Variants in SOX5 observed in about 807,000 individuals in gnomAD.
SOX5 encodes the protein transcription factor SOX-5.
A neutral mutation model predicts 92.0 loss-of-function variants in SOX5; 9 were observed. The ratio of observed to expected loss-of-function variants is 0.10; its 90% CI spans 0.06 to 0.17. The LOEUF is 0.17. Ranked by LOEUF, SOX5 falls within the 10% of genes least tolerant of loss-of-function variation. The pLI, the probability that SOX5 is intolerant of heterozygous loss-of-function variation, is 1.00. For synonymous variants in SOX5, 344 were observed against 336.3 expected (o/e 1.02, Z -0.25); for missense variants, 642 against 944.5 (o/e 0.68, Z 4.20).
At chr12:23,807,093 T>C (rs2095792780) in intron 3 of SOX5, among the ~76,000 whole-genome samples, 1 of 151,316 alleles carries the variant, frequency 6.6e-6, no homozygotes, top group African/African-American at 2.4e-5. Flanking sequence ...AATCAAAAAT[T>C]ATGTATTCTT....
intron 6 of SOX5, among the ~76,000 whole-genome samples, chr12:23,699,390 C>A (rs1439780039): frequency 3.3e-5 from 5 of 152,198 alleles, no homozygotes; most frequent in African/African-American, 1.2e-4. Flanking sequence ...GTTCCTATAT[C>A]TCTAACCTAG....
At chr12:23,871,071 G>T (rs565535649) in intron 2 of SOX5, among the ~76,000 whole-genome samples, 11 of 152,080 alleles carry the variant, frequency 7.2e-5, no homozygotes, top group Middle Eastern at 3.4e-3. Flanking sequence ...AAACTTTTAA[G>T]GTGTATATTT....
chr12:23,543,480 A>C, intron 12 of SOX5, 96 bp from the exon 13 acceptor site: 1 of 903,114 alleles, frequency 1.1e-6, no homozygotes, highest in Admixed American at 2.3e-5. Context: ...ATATCTGAAA[A>C]GAAAAAGTAC....
chr12:23,803,883 GATGACACAGC>G (rs1483074788), intron 3 of SOX5, among the ~76,000 whole-genome samples: 1 of 152,170 alleles, frequency 6.6e-6, no homozygotes, highest in Admixed American at 6.5e-5. Context: ...CTTTCATAAG[GATGACACAGC>G]ATGAATAGAA....
At chr12:24,171,689 G>A (rs1161784499) in intron 4 of SOX5, among the ~76,000 whole-genome samples, 1 of 152,110 alleles carries the variant, frequency 6.6e-6, no homozygotes, top group African/African-American at 2.4e-5. Context: ...TAGGGGGCTA[G>A]AGAAGCATAT....
At chr12:24,132,454 T>A (rs562838168) in intron 4 of SOX5, among the ~76,000 whole-genome samples, 1 of 152,182 alleles carries the variant, frequency 6.6e-6, no homozygotes, top group Non-Finnish European at 1.5e-5. Flanking sequence ...ACTTCTCACA[T>A]CCTGTGCTAT....
intron 1 of SOX5, among the ~76,000 whole-genome samples, chr12:24,470,684 A>G (rs7299141): frequency 0.63 from 95,219 of 152,004 alleles, 30,709 homozygotes; most frequent in East Asian, 0.98. Flanking sequence ...TGAGTATTAG[A>G]AAACAGTGTT....
At chr12:23,974,511 G>A (rs532782846) in intron 4 of SOX5, among the ~76,000 whole-genome samples, 5 of 152,116 alleles carry the variant, frequency 3.3e-5, no homozygotes, top group Middle Eastern at 3.2e-3. Flanking sequence ...AAAGGATTAC[G>A]GGGAAAGGAA....
At position 24,274,505 on chromosome 12, in the gene SOX5, A is replaced by C. The variant is rs143278003; in HGVS notation, c.-77+2711T>G. Among the ~76,000 whole-genome samples the C allele has an allele frequency of 1.0e-3, 155 of 152,278 alleles. 1 individual carries two copies. The highest frequency in any genetic ancestry group is 3.5e-3 in the African/African-American group (146 of 41,570). On this transcript the variant is annotated intron_variant, in intron 3 of 4. Transcript: ENST00000446891. ...TATTATTTACCTCTGACACATGAGA[A>C]GTCTGAGCAATAGCAGTTAGGGAAC...
intron 3 of SOX5, among the ~76,000 whole-genome samples, chr12:23,778,217 A>T (rs1449587649): frequency 2.0e-5 from 3 of 152,234 alleles, no homozygotes; most frequent in African/African-American, 7.2e-5. Flanking sequence ...CATGACTTTA[A>T]TATGCACATC....
chr12:24,363,621 A>C (rs1462798723), intron 2 of SOX5, among the ~76,000 whole-genome samples: 1 of 152,154 alleles, frequency 6.6e-6, no homozygotes, highest in Admixed American at 6.5e-5. Context: ...GAATAATCAT[A>C]AATCATTTAC....
At chr12:23,966,639 T>C (rs1276244385) in intron 4 of SOX5, among the ~76,000 whole-genome samples, 1 of 150,222 alleles carries the variant, frequency 6.7e-6, no homozygotes, top group Non-Finnish European at 1.5e-5. Flanking sequence ...CACAAACATT[T>C]ATTATGTGCG....
intron 3 of SOX5, among the ~76,000 whole-genome samples, chr12:24,215,263 G>A (rs757160440): frequency 6.6e-6 from 1 of 151,964 alleles, no homozygotes; most frequent in Non-Finnish European, 1.5e-5. Context: ...CACTAAATAA[G>A]AAACAGAAAG....
At chr12:24,189,249 A>C (rs926670264) in intron 4 of SOX5, among the ~76,000 whole-genome samples, 1 of 152,140 alleles carries the variant, frequency 6.6e-6, no homozygotes, top group African/African-American at 2.4e-5. Flanking sequence ...GCCGTTCTCC[A>C]ATACCTGAAA....
intron 4 of SOX5, among the ~76,000 whole-genome samples, chr12:23,973,143 G>C (rs910465599): frequency 2.0e-4 from 29 of 148,220 alleles, no homozygotes; most frequent in African/African-American, 6.7e-4. Context: ...ACAAATGACA[G>C]AATTTCTAAC....
intron 1 of SOX5, among the ~76,000 whole-genome samples, chr12:24,429,199 C>T (rs551956205): frequency 7.9e-5 from 12 of 152,186 alleles, no homozygotes; most frequent in Middle Eastern, 6.8e-3. Context: ...CGCCTGTAGT[C>T]CCAGCTACTC....
chr12:23,625,915 A>G (rs1475910027), intron 8 of SOX5, among the ~76,000 whole-genome samples: 1 of 152,140 alleles, frequency 6.6e-6, no homozygotes, highest in Non-Finnish European at 1.5e-5. Flanking sequence ...CCTCAAGCAA[A>G]TGTTTCTAAA....
intron 3 of SOX5, among the ~76,000 whole-genome samples, chr12:23,816,234 G>T (rs2142556328): frequency 6.7e-6 from 1 of 148,894 alleles, no homozygotes; most frequent in Non-Finnish European, 1.5e-5. Context: ...TTGTTGGATG[G>T]AGTCTCGGTC....
In SOX5 at chr12:23,991,288, G is replaced by A. The variant is rs191442894; in HGVS notation, c.-1-95264C>T. On this transcript the variant is annotated intron_variant, in intron 4 of 4. Coordinates refer to the SOX5 transcript ENST00000446891. Reference sequence around the variant, plus strand: ...TGAGGCAGGAGGATCCCTAAAGCCAGGAGGTCAAGGCTGCAAGACCTTGTC... The same window carrying A: ...TGAGGCAGGAGGATCCCTAAAGCCAAGAGGTCAAGGCTGCAAGACCTTGTC... 8.3e-3 allele frequency among the ~76,000 whole-genome samples: 1,264 copies of A among 151,508 alleles called. 25 individuals carry two copies. The highest frequency in any genetic ancestry group is 0.029 in the African/African-American group (1,203 of 41,308).
Sources: allele counts gnomAD v4.1 joint callset (sites outside exome capture counted in the v4.1 genomes callset), GRCh38; gene constraint gnomAD v4.1.1; transcripts MANE v1.5; gene names NCBI Gene and HGNC (gene_info 2026-07-23, HGNC 2026-07-21).